The following CUL4A variants were observed in gnomAD, a reference collection of about 807,000 sequenced individuals.
The protein encoded by CUL4A is cullin 4A.
CUL4A carries 16 observed loss-of-function variants against 95.5 expected under a neutral mutation model. The observed-to-expected ratio is 0.17, with a 90% CI of 0.11 to 0.25. The LOEUF is 0.25. Among genes scored for constraint, CUL4A ranks in the 10% least tolerant of loss-of-function variants. The probability of loss-of-function intolerance (pLI) is 1.00; values close to 1 mark genes in which losing one functional copy is unlikely to be tolerated. For synonymous variants in CUL4A, 380 were observed against 353.1 expected, an observed-to-expected ratio of 1.08 and a Z score of -0.85; for missense variants, 610 against 937.0, an observed-to-expected ratio of 0.65 and a Z score of 4.56.
At chr13:113,260,518 C>G (rs761360754) in intron 18 of CUL4A, 89 bp from the exon 19 acceptor site, 1 of 1,223,736 alleles carries the variant, frequency 8.2e-7, no homozygotes. Context: ...CCATTGCACT[C>G]TAGCCCAGGC....
chr13:113,255,910 G>A lies in CUL4A; in HGVS notation c.2031+785G>A, dbSNP rs976104452. 3.3e-5 allele frequency among the ~76,000 whole-genome samples: 5 copies of A among 152,126 alleles called. No homozygotes were observed. The East Asian group carries it at 9.6e-4, about 29-fold the overall frequency. The stretch of plus-strand genomic sequence containing the variant: ...ACTTAAGTTTTTAACTCCTTTGAGG[G>A]TGCACCTTTTATAGTGGGCAAAAGT... On this transcript the variant is annotated intron_variant, in intron 18 of 19. Transcript: ENST00000375440.
chr13:113,236,674 G>A (rs937163897), intron 8 of CUL4A, 149 bp from the exon 9 acceptor site: 28 of 504,970 alleles, frequency 5.5e-5, no homozygotes, highest in South Asian at 1.3e-4. Context: ...AGGAGTCGTC[G>A]TCCGTTTGCA....
chr13:113,228,456 T>G (rs562289695), intron 4 of CUL4A, among the ~76,000 whole-genome samples: 1 of 152,308 alleles, frequency 6.6e-6, no homozygotes, highest in South Asian at 2.1e-4. Flanking sequence ...CGTTAATTAC[T>G]TAAGTGAGAG....
chr13:113,249,818 C>T (rs1260346302), intron 15 of CUL4A, among the ~76,000 whole-genome samples: 1 of 152,172 alleles, frequency 6.6e-6, no homozygotes, highest in Non-Finnish European at 1.5e-5. Context: ...CTCATCTTGC[C>T]GTGATTTGCA....
chr13:113,235,024 CT>C (rs748158442), intron 7 of CUL4A, 38 bp from the exon 8 acceptor site: 1 of 1,421,440 alleles, frequency 7.0e-7, no homozygotes, highest in Non-Finnish European at 9.8e-7. Context: ...TGTCGACATT[CT>C]TTTTGTTACT....
intron 15 of CUL4A, among the ~76,000 whole-genome samples, chr13:113,248,324 A>G (rs2041908081): frequency 6.6e-6 from 1 of 151,626 alleles, no homozygotes; most frequent in South Asian, 2.1e-4. Context: ...CACCCCCTTT[A>G]TTTACTTATT....
intron 2 of CUL4A, among the ~76,000 whole-genome samples, chr13:113,214,921 GCTGTGGAGGTCGCTGTGTGA>G (rs1410761457): frequency 6.8e-4 from 104 of 152,088 alleles, no homozygotes; most frequent in African/African-American, 2.3e-3. Flanking sequence ...GTCCCGTGTG[GCTGTGGAGGTCGCTGTGTGA>G]CTGTGGAGGT....
chr13:113,255,682 C>T (rs2042102777), intron 18 of CUL4A, among the ~76,000 whole-genome samples: 4 of 152,120 alleles, frequency 2.6e-5, no homozygotes, highest in Admixed American at 2.6e-4. Flanking sequence ...TTCAGATTGG[C>T]TTCTTTATTT....
chr13:113,231,189 C>G (rs1180409897), intron 5 of CUL4A, among the ~76,000 whole-genome samples: 1 of 152,034 alleles, frequency 6.6e-6, no homozygotes, highest in Non-Finnish European at 1.5e-5. Context: ...GGCTAAAAAC[C>G]TGAACGTGAG....
intron 18 of CUL4A, among the ~76,000 whole-genome samples, chr13:113,257,590 C>T (rs929556366): frequency 3.3e-5 from 5 of 152,100 alleles, no homozygotes; most frequent in Admixed American, 2.0e-4. Flanking sequence ...CATGTTTAAA[C>T]GACCAGATCT....
At chr13:113,232,666 A>G (rs941068293) in intron 5 of CUL4A, among the ~76,000 whole-genome samples, 1 of 152,190 alleles carries the variant, frequency 6.6e-6, no homozygotes, top group African/African-American at 2.4e-5. Flanking sequence ...AAAGCTGTGC[A>G]TCACCTTCTC....
intron 15 of CUL4A, among the ~76,000 whole-genome samples, chr13:113,248,593 A>G (rs1312521513): frequency 6.6e-6 from 1 of 152,304 alleles, no homozygotes; most frequent in Non-Finnish European, 1.5e-5. Flanking sequence ...GTGGTTCAGT[A>G]ACATCCAGTG....
intron 15 of CUL4A, 41 bp downstream of exon 15, chr13:113,246,104 G>T: frequency 6.9e-7 from 1 of 1,449,218 alleles, no homozygotes; most frequent in East Asian, 2.3e-5. Flanking sequence ...CCGCTGTCAT[G>T]CCCTTACCAG....
rs1215006722 is a variant in CUL4A, at chr13:113,265,822, G to A, written c.*2240G>A. The stretch of plus-strand genomic sequence containing the variant: ...AGAAGAAATCATTGAAAAAGAAACA[G>A]CACTTAGACAGAAATGCTGTAAAAG... On this transcript the variant is annotated 3_prime_UTR_variant, in exon 20 of 20. Coordinates refer to ENST00000375440, the MANE Select transcript of CUL4A (RefSeq NM_001008895.4). 1 of 152,236 alleles carries A rather than the reference G, an allele frequency of 6.6e-6. No individual in the cohort carries two copies. Among genetic ancestry groups the A allele is most frequent in the Non-Finnish European group, 1.5e-5 (1 of 68,038 alleles). 9.4% of individuals were successfully genotyped at this position (152,236 alleles called of 1,614,324 possible). A position where few individuals can be genotyped will look rare whatever the true frequency, so the allele number is the denominator to read the frequency against.
rs1201940933 is a variant in CUL4A, at chr13:113,244,912, T to G, written c.1334-37T>G. ...AAGTTTAACATTTGCTTATCAACTC[T>G]CTGATGTCTTGATTATTCTCGTCTG... On this transcript the variant is annotated intron_variant, in intron 12 of 19. Transcript: ENST00000375440. 3 of 1,303,244 alleles carry G rather than the reference T, an allele frequency of 2.3e-6. No homozygotes were observed. The Admixed American group carries it at 5.1e-5, about 22-fold the overall frequency. The allele number at this position is 1,303,244 out of a possible 1,614,324, so 80.7% of individuals were successfully genotyped here.
At chr13:113,258,379 A>G (rs886235720) in intron 18 of CUL4A, among the ~76,000 whole-genome samples, 1 of 152,140 alleles carries the variant, frequency 6.6e-6, no homozygotes, top group Non-Finnish European at 1.5e-5. Flanking sequence ...TGCTCCCCCA[A>G]ATAAGAACAT....
rs530039367 is a variant in CUL4A, at chr13:113,239,321, G to C, written c.917-112G>C. The C allele has an allele frequency of 3.3e-6, 3 of 910,696 alleles. No individual in the cohort carries two copies. The Admixed American group carries it at 5.4e-5, about 16-fold the overall frequency. The allele number at this position is 910,696 out of a possible 1,614,324, so 56.4% of individuals were successfully genotyped here. On this transcript the variant is annotated intron_variant, in intron 9 of 19. Transcript: ENST00000375440. ...TGTAGAGGCAGCGATGTGGAGACCCGCCCAATTTCTAAGCGGTGTATTGAC... is the reference window on the plus strand; with the variant it reads ...TGTAGAGGCAGCGATGTGGAGACCCCCCCAATTTCTAAGCGGTGTATTGAC...
intron 15 of CUL4A, among the ~76,000 whole-genome samples, chr13:113,248,819 C>G (rs912187327): frequency 3.0e-4 from 46 of 152,142 alleles, no homozygotes; most frequent in African/African-American, 1.1e-3. Flanking sequence ...AGTAACAGAC[C>G]TGTCTGTTCA....
At chr13:113,243,740 CA>C (rs760566767) in intron 11 of CUL4A, among the ~76,000 whole-genome samples, 2 of 152,064 alleles carry the variant, frequency 1.3e-5, no homozygotes, top group South Asian at 2.1e-4. Flanking sequence ...TATTCCATTA[CA>C]AAATGTTTAA....
Sources: allele counts gnomAD v4.1 joint callset (sites outside exome capture counted in the v4.1 genomes callset), GRCh38; gene constraint gnomAD v4.1.1; transcripts MANE v1.5; gene names NCBI Gene and HGNC (gene_info 2026-07-23, HGNC 2026-07-21).